The following CPEB3 variants were observed in gnomAD, a reference collection of about 807,000 sequenced individuals.
CPEB3 encodes cytoplasmic polyadenylation element-binding protein 3.
In CPEB3, 20 loss-of-function variants were observed where a neutral mutation model predicts 67.2. The ratio of observed to expected loss-of-function variants is 0.30; its 90% confidence interval spans 0.21 to 0.43. The LOEUF (loss-of-function observed/expected upper bound fraction) is 0.43. CPEB3 is among the 20% of genes least tolerant of loss of function. The probability of loss-of-function intolerance (pLI) is 1.00; values close to 1 mark genes in which losing one functional copy is unlikely to be tolerated. For missense variants in CPEB3, 746 were observed against 968.6 expected (o/e 0.77, Z 3.05); for synonymous variants, 376 against 393.1 (o/e 0.96, Z 0.51).
At position 92,222,518 on chromosome 10, in the gene CPEB3, C is replaced by T. The variant is rs147151153; in HGVS notation, c.1005+16828G>A. Among the ~76,000 whole-genome samples, 56 of 152,236 alleles carry T rather than the reference C, an allele frequency of 3.7e-4. No individual in the cohort carries two copies. In the East Asian group the frequency reaches 0.011, roughly 29 times the overall value. ...TATTCAAAACGTTATCAAAGTTCAG[C>T]AGGAATTCTCTCAGCTCTGAAGAGG... On this transcript the variant is annotated intron_variant, in intron 2 of 9. Coordinates refer to ENST00000265997, the MANE Select transcript of CPEB3 (RefSeq NM_014912.5).
intron 1 of CPEB3, among the ~76,000 whole-genome samples, chr10:92,275,467 A>G (rs1841935718): frequency 1.3e-5 from 2 of 152,192 alleles, no homozygotes; most frequent in Admixed American, 6.6e-5. Flanking sequence ...GGTATGTCAT[A>G]AATTATTGAG....
At chr10:92,145,203 C>CAA in intron 4 of CPEB3, 118 bp from the exon 5 acceptor site, 1 of 1,125,906 alleles carries the variant, frequency 8.9e-7, no homozygotes. Flanking sequence ...GAGAAGCATA[C>CAA]AAAAAAAAAG....
intron 2 of CPEB3, among the ~76,000 whole-genome samples, chr10:92,198,599 G>T (rs1849352513): frequency 6.6e-6 from 1 of 152,192 alleles, no homozygotes; most frequent in Non-Finnish European, 1.5e-5. Flanking sequence ...AGGGCCAACA[G>T]CATCTGGGGA....
At chr10:92,132,754 A>G (rs1202208896) in intron 6 of CPEB3, among the ~76,000 whole-genome samples, 3 of 152,106 alleles carry the variant, frequency 2.0e-5, no homozygotes, top group Non-Finnish European at 4.4e-5. Flanking sequence ...CAAAATTGAC[A>G]ACATAGTTGG....
intron 4 of CPEB3, among the ~76,000 whole-genome samples, chr10:92,168,950 T>C (rs1180836407): frequency 2.7e-5 from 4 of 147,224 alleles, no homozygotes; most frequent in South Asian, 2.2e-4. Context: ...TGCATGCCAC[T>C]ATGCCCAGCT....
intron 2 of CPEB3, among the ~76,000 whole-genome samples, chr10:92,223,655 C>T (rs1850813833): frequency 6.9e-6 from 1 of 144,016 alleles, no homozygotes; most frequent in Non-Finnish European, 1.5e-5. Context: ...ATCACCGCAA[C>T]CTCCGCCTTC....
intron 9 of CPEB3, among the ~76,000 whole-genome samples, chr10:92,056,843 G>A (rs1248340059): frequency 6.6e-6 from 1 of 152,210 alleles, no homozygotes; most frequent in Non-Finnish European, 1.5e-5. Context: ...GAGAGGAGAA[G>A]AAAAAGTGGG....
intron 1 of CPEB3, among the ~76,000 whole-genome samples, chr10:92,273,379 A>C (rs1279092934): frequency 6.6e-6 from 1 of 152,150 alleles, no homozygotes; most frequent in Non-Finnish European, 1.5e-5. Context: ...TTGAAGCTCA[A>C]TAAATGATGC....
At chr10:92,250,832 G>A (rs961759824) in intron 1 of CPEB3, among the ~76,000 whole-genome samples, 2 of 151,176 alleles carry the variant, frequency 1.3e-5, no homozygotes, top group Non-Finnish European at 2.9e-5. Flanking sequence ...TGGGACTACA[G>A]GCGCCTGCCA....
At chr10:92,234,413 T>TA (rs1212706944) in intron 2 of CPEB3, among the ~76,000 whole-genome samples, 4 of 152,322 alleles carry the variant, frequency 2.6e-5, no homozygotes, top group South Asian at 4.1e-4. Flanking sequence ...TTTCTACAAA[T>TA]ACAAAATTTT....
intron 7 of CPEB3, among the ~76,000 whole-genome samples, chr10:92,094,483 T>C (rs1019501288): frequency 6.6e-6 from 1 of 151,770 alleles, no homozygotes; most frequent in Non-Finnish European, 1.5e-5. Flanking sequence ...GCGCCTGTGG[T>C]CCCAGCTACT....
chr10:92,158,612 C>T (rs1004715770), intron 4 of CPEB3, among the ~76,000 whole-genome samples: 1 of 152,106 alleles, frequency 6.6e-6, no homozygotes, highest in Non-Finnish European at 1.5e-5. Flanking sequence ...TGTGTTTCTG[C>T]ACAATTTTCA....
chr10:92,263,693 T>A (rs779826499), intron 1 of CPEB3, among the ~76,000 whole-genome samples: 42 of 152,054 alleles, frequency 2.8e-4, no homozygotes, highest in Non-Finnish European at 5.9e-4. Flanking sequence ...TGTCAATTTT[T>A]AAAAAAATAT....
intron 4 of CPEB3, among the ~76,000 whole-genome samples, chr10:92,167,516 T>C (rs1363887235): frequency 6.6e-6 from 1 of 152,194 alleles, no homozygotes; most frequent in Non-Finnish European, 1.5e-5. Flanking sequence ...AGAGAAACAG[T>C]AGAATGGCCA....
intron 1 of CPEB3, among the ~76,000 whole-genome samples, chr10:92,241,478 G>A (rs1476670856): frequency 6.6e-6 from 1 of 152,072 alleles, no homozygotes. Flanking sequence ...TATTAGCAGC[G>A]AAACACTATG....
At chr10:92,069,923 T>C (rs1180938982) in intron 9 of CPEB3, among the ~76,000 whole-genome samples, 7 of 152,146 alleles carry the variant, frequency 4.6e-5, no homozygotes, top group Non-Finnish European at 1.5e-5. Context: ...AAAGGGAATA[T>C]CAACCACAAT....
intron 1 of CPEB3, among the ~76,000 whole-genome samples, chr10:92,277,339 C>A (rs2135041742): frequency 6.6e-6 from 1 of 152,306 alleles, no homozygotes; most frequent in East Asian, 1.9e-4. Flanking sequence ...AGGGATGCAA[C>A]ACCATTCCTT....
At chr10:92,124,251 T>C (rs1242636678) in intron 6 of CPEB3, among the ~76,000 whole-genome samples, 1 of 152,256 alleles carries the variant, frequency 6.6e-6, no homozygotes, top group Non-Finnish European at 1.5e-5. Context: ...TCAAGCTTTG[T>C]CCTGTGGACT....
At chr10:92,276,766 T>G (rs1370043777) in intron 1 of CPEB3, among the ~76,000 whole-genome samples, 5 of 152,340 alleles carry the variant, frequency 3.3e-5, no homozygotes, top group African/African-American at 9.6e-5. Flanking sequence ...AATGCCAGAC[T>G]GTTTTCCAAA....
Sources: gnomAD v4.1 joint callset for allele counts (sites outside exome capture counted in the v4.1 genomes callset) on GRCh38, gnomAD v4.1.1 for gene constraint, MANE v1.5 for transcripts, NCBI Gene and HGNC (gene_info 2026-07-23, HGNC 2026-07-21) for gene names.